The following SLC8A1 variants were observed in gnomAD, a reference collection of about 807,000 sequenced individuals.
The protein encoded by SLC8A1 is sodium/calcium exchanger 1.
A neutral mutation model predicts 68.3 loss-of-function variants in SLC8A1; 18 were observed. The observed-to-expected ratio is 0.26, with a 90% CI of 0.18 to 0.39. The LOEUF (loss-of-function observed/expected upper bound fraction) is 0.39. Among genes scored for constraint, SLC8A1 ranks in the 10% least tolerant of loss-of-function variants. SLC8A1 has a pLI of 1.00. For synonymous variants in SLC8A1, 475 were observed against 415.5 expected (o/e 1.14, Z -1.74); for missense variants, 985 against 1,156.7 (o/e 0.85, Z 2.15).
At chr2:40,113,526 G>A (rs1181024297) in exon 8 of SLC8A1, 6 of 97,588 alleles carry the variant, frequency 6.1e-5, no homozygotes, top group African/African-American at 2.3e-4. Context: ...CATAAGTAGA[G>A]GAGACAACAC....
intron 2 of SLC8A1, among the ~76,000 whole-genome samples, chr2:40,271,888 T>G (rs2066081519): frequency 6.6e-6 from 1 of 151,906 alleles, no homozygotes; most frequent in Non-Finnish European, 1.5e-5. Flanking sequence ...TTTTTTAGAG[T>G]CAGGGTCTCA....
At chr2:40,168,137 G>A (rs1178944799) in intron 4 of SLC8A1, among the ~76,000 whole-genome samples, 1 of 152,092 alleles carries the variant, frequency 6.6e-6, no homozygotes, top group Non-Finnish European at 1.5e-5. Context: ...AACTTATGAT[G>A]TAATGGGGAC....
At position 40,209,740 on chromosome 2, in the gene SLC8A1, G is replaced by C. The variant is rs138110332; in HGVS notation, c.1809-31885C>G. Among the ~76,000 whole-genome samples, 442 of 152,204 alleles carry C rather than the reference G, an allele frequency of 2.9e-3. 2 individuals are homozygous for C. Among genetic ancestry groups the C allele is most frequent in the Middle Eastern group, 0.01 (3 of 294 alleles). On this transcript the variant is annotated intron_variant, in intron 2 of 7. Transcript: ENST00000406785. ...GGTAGATGTGGTCATGGGAGTCTGC[G>C]GAGAGTCTCTTCTGATTGCTTCTAT...
At chr2:40,143,987 C>A (rs2042028031) in intron 6 of SLC8A1, among the ~76,000 whole-genome samples, 1 of 152,172 alleles carries the variant, frequency 6.6e-6, no homozygotes, top group Non-Finnish European at 1.5e-5. Flanking sequence ...AAATGAGTTT[C>A]CTAACTCCCA....
At chr2:40,385,654 A>T (rs1683323881) in intron 2 of SLC8A1, among the ~76,000 whole-genome samples, 1 of 151,352 alleles carries the variant, frequency 6.6e-6, no homozygotes, top group African/African-American at 2.5e-5. Context: ...TTGAACACTT[A>T]ATATACCATC....
intron 1 of SLC8A1, among the ~76,000 whole-genome samples, chr2:40,445,700 G>C (rs1701311891): frequency 6.6e-6 from 1 of 152,214 alleles, no homozygotes; most frequent in Non-Finnish European, 1.5e-5. Context: ...ACAGCTAGCT[G>C]CATGTCCAGG....
intron 2 of SLC8A1, among the ~76,000 whole-genome samples, chr2:40,425,405 G>A (rs946293941): frequency 1.3e-5 from 2 of 151,774 alleles, no homozygotes; most frequent in Non-Finnish European, 3.0e-5. Flanking sequence ...TAAAGCTGTA[G>A]TGCCTCTTAT....
At chr2:40,303,022 G>A (rs746810700) in intron 2 of SLC8A1, among the ~76,000 whole-genome samples, 1 of 152,146 alleles carries the variant, frequency 6.6e-6, no homozygotes, top group Non-Finnish European at 1.5e-5. Context: ...GAAAACCAAT[G>A]AGACATTTTC....
intron 2 of SLC8A1, among the ~76,000 whole-genome samples, chr2:40,208,079 A>G (rs572942715): frequency 6.6e-6 from 1 of 152,248 alleles, no homozygotes; most frequent in East Asian, 1.9e-4. Context: ...TTCACCTCTG[A>G]CACCTACAGC....
intron 2 of SLC8A1, among the ~76,000 whole-genome samples, chr2:40,284,249 T>C (rs868254563): frequency 3.3e-4 from 49 of 150,568 alleles, no homozygotes; most frequent in African/African-American, 1.1e-3. Context: ...TATAACATAT[T>C]TCTCTCTATA....
intron 2 of SLC8A1, among the ~76,000 whole-genome samples, chr2:40,193,093 C>T (rs2052209123): frequency 6.6e-6 from 1 of 152,100 alleles, no homozygotes; most frequent in African/African-American, 2.4e-5. Flanking sequence ...TTGTGCCAAT[C>T]AATCAAGGTA....
intron 2 of SLC8A1, among the ~76,000 whole-genome samples, chr2:40,220,707 G>A (rs2058198804): frequency 1.3e-5 from 2 of 152,002 alleles, no homozygotes; most frequent in Non-Finnish European, 2.9e-5. Flanking sequence ...TTGGCTTGGA[G>A]CTCTCTCTAT....
chr2:40,361,814 T>C lies in SLC8A1; in HGVS notation c.1808+66659A>G, dbSNP rs1674704603. Reference sequence around the variant, plus strand: ...AGAAATAAATTCATTTACAAGAGAATATTATGCACTGAAATGCATAATTTT... The same window carrying C: ...AGAAATAAATTCATTTACAAGAGAACATTATGCACTGAAATGCATAATTTT... On this transcript the variant is annotated intron_variant, in intron 2 of 7. Transcript: ENST00000406785. Among the ~76,000 whole-genome samples, 3 of 150,804 alleles carry C rather than the reference T, an allele frequency of 2.0e-5. No homozygotes were observed. In the Admixed American group the frequency reaches 2.0e-4, roughly 10 times the overall value.
chr2:40,229,401 G>C (rs2059371368), intron 2 of SLC8A1, among the ~76,000 whole-genome samples: 1 of 150,946 alleles, frequency 6.6e-6, no homozygotes, highest in African/African-American at 2.4e-5. Flanking sequence ...TAATTAAACA[G>C]AGAAAACACT....
chr2:40,170,264 C>T lies in SLC8A1; in HGVS notation c.1930+4561G>A. 1 of 1,610,924 alleles carries T rather than the reference C, an allele frequency of 6.2e-7. No individual in the cohort carries two copies. Among genetic ancestry groups the T allele is most frequent in the Non-Finnish European group, 8.5e-7 (1 of 1,177,360 alleles). On this transcript the variant is annotated intron_variant, in intron 4 of 7. Coordinates refer to ENST00000406785, the Ensembl canonical transcript of SLC8A1. ...CTGGGAGGCTGTGGTTTTCAAGGAT[C>T]ATGATGAAATGAGTACCTGCAATGG...
intron 4 of SLC8A1, among the ~76,000 whole-genome samples, chr2:40,171,836 T>C (rs2047543692): frequency 6.6e-6 from 1 of 152,234 alleles, no homozygotes; most frequent in Non-Finnish European, 1.5e-5. Flanking sequence ...AATGAGATCA[T>C]AGGCCCAAAC....
exon 8 of SLC8A1, chr2:40,104,698 C>A (rs932380570): frequency 1.1e-4 from 17 of 151,982 alleles, no homozygotes; most frequent in Non-Finnish European, 2.1e-4. Context: ...ATTTAGGGTA[C>A]CTAATATAAT....
At chr2:40,192,957 T>TAACC (rs766751596) in intron 2 of SLC8A1, among the ~76,000 whole-genome samples, 30 of 152,118 alleles carry the variant, frequency 2.0e-4, no homozygotes, top group Non-Finnish European at 3.8e-4. Context: ...TATTCAACAG[T>TAACC]AACCATCCGC....
chr2:40,480,076 T>C (rs1471673219), intron 1 of SLC8A1, among the ~76,000 whole-genome samples: 3 of 152,180 alleles, frequency 2.0e-5, no homozygotes, highest in Admixed American at 6.5e-5. Flanking sequence ...TGCACGTTTA[T>C]TGTTTTTTTT....
Sources: gnomAD v4.1 joint callset for allele counts (sites outside exome capture counted in the v4.1 genomes callset) on GRCh38, gnomAD v4.1.1 for gene constraint, MANE v1.5 for transcripts, NCBI Gene and HGNC (gene_info 2026-07-23, HGNC 2026-07-21) for gene names.